The following RFX8 variants were observed in gnomAD, a reference collection of about 807,000 sequenced individuals.
RFX8 encodes DNA-binding protein RFX8.
A neutral mutation model predicts 54.6 loss-of-function variants in RFX8; 46 were observed. That is an observed-to-expected ratio of 0.84 (90% CI 0.67 to 1.08). The LOEUF is 1.08. RFX8 is among the 50% of genes least tolerant of loss of function. The pLI, the probability that RFX8 is intolerant of heterozygous loss-of-function variation, is 0.00. For missense variants in RFX8, 536 were observed against 562.3 expected, an observed-to-expected ratio of 0.95 and a Z score of 0.47; for synonymous variants, 192 against 209.5, an observed-to-expected ratio of 0.92 and a Z score of 0.72.
intron 4 of RFX8, chr2:101,421,269 T>C: frequency 5.1e-6 from 5 of 986,098 alleles, no homozygotes; most frequent in Non-Finnish European, 6.0e-6. Flanking sequence ...GATTTATTCA[T>C]GTTTTCCACA....
At chr2:101,454,024 T>A (rs1237997561) in intron 2 of RFX8, among the ~76,000 whole-genome samples, 2 of 152,156 alleles carry the variant, frequency 1.3e-5, no homozygotes, top group African/African-American at 4.8e-5. Context: ...CATTAGGTAT[T>A]TCTCCTAATG....
intron 6 of RFX8, 77 bp downstream of exon 6, chr2:101,417,457 C>T (rs1382503451): frequency 1.9e-5 from 25 of 1,350,016 alleles, no homozygotes; most frequent in East Asian, 5.1e-5. Flanking sequence ...CCTCCTGCCT[C>T]GGCCTTCCAA....
At chr2:101,474,411 C>T in intron 1 of RFX8, 1 of 378,818 alleles carries the variant, frequency 2.6e-6, no homozygotes, top group Non-Finnish European at 4.7e-6. Flanking sequence ...GCGCGGGGCG[C>T]GGGGCGGGAG....
chr2:101,410,009 TC>T (rs779382017), intron 9 of RFX8, among the ~76,000 whole-genome samples: 1 of 152,044 alleles, frequency 6.6e-6, no homozygotes, highest in Non-Finnish European at 1.5e-5. Flanking sequence ...AACGAAACCA[TC>T]TTTGGGCTTT....
At chr2:101,408,331 A>G (rs1685869003) in intron 9 of RFX8, among the ~76,000 whole-genome samples, 1 of 152,118 alleles carries the variant, frequency 6.6e-6, no homozygotes, top group African/African-American at 2.4e-5. Context: ...TAAAAATACA[A>G]AAAATTAGCT....
intron 2 of RFX8, among the ~76,000 whole-genome samples, chr2:101,424,583 C>T (rs1295686577): frequency 1.3e-5 from 2 of 152,260 alleles, no homozygotes; most frequent in East Asian, 3.9e-4. Context: ...TTTATTGCGG[C>T]ACTATTCACA....
intron 11 of RFX8, among the ~76,000 whole-genome samples, chr2:101,398,558 A>G (rs1163757685): frequency 1.3e-5 from 2 of 149,100 alleles, no homozygotes; most frequent in Non-Finnish European, 1.5e-5. Context: ...TAAATGGGGG[A>G]AAAAACCTAT....
rs898775250 is a variant in RFX8 at position 101,418,866 on chromosome 2, G to T, written c.336C>A (p.Asp112Glu). The change falls in exon 5 of 12, where the codon GAC becomes GAA. Residue 112 changes from aspartate to glutamate, a missense_variant. Coordinates refer to ENST00000428343, the MANE Select transcript of RFX8 (RefSeq NM_001145664.2). ...PDVCQLFKCY[D>E]VQLYKGIEDV... ...GTCCTCCTACCTTGTACAGCTGGAC[G>T]TCGTAGCATTTAAAGAGCTGGCACA... 11 of 1,548,738 alleles carry T rather than the reference G, an allele frequency of 7.1e-6. No individual in the cohort carries two copies. The highest frequency in any genetic ancestry group is 9.6e-6 in the Non-Finnish European group (11 of 1,144,298).
chr2:101,442,800 C>T (rs917327754), intron 2 of RFX8, among the ~76,000 whole-genome samples: 1 of 152,076 alleles, frequency 6.6e-6, no homozygotes, highest in Non-Finnish European at 1.5e-5. Flanking sequence ...AGGGTTTCCC[C>T]AGGCTAGACC....
At position 101,470,659 on chromosome 2, in the gene RFX8, A is replaced by G. The variant is rs148800028; in HGVS notation, c.-52-3759T>C. On this transcript the variant is annotated intron_variant, in intron 1 of 11. Transcript: ENST00000428343. ...GTGATGAACAATCTGATGATTACTG[A>G]CCTCAGAGCACAAATACTTAGCCAG... Among the ~76,000 whole-genome samples, 74 of 147,020 alleles carry G rather than the reference A, an allele frequency of 5.0e-4. 1 individual carries two copies. In the East Asian group the frequency reaches 0.011, roughly 23 times the overall value.
intron 2 of RFX8, among the ~76,000 whole-genome samples, chr2:101,449,680 G>A (rs1688574773): frequency 6.6e-6 from 1 of 152,184 alleles, no homozygotes; most frequent in Non-Finnish European, 1.5e-5. Flanking sequence ...GAGAGCCAGG[G>A]AGGAATGCCT....
intron 2 of RFX8, among the ~76,000 whole-genome samples, chr2:101,430,707 C>T (rs1031976783): frequency 1.9e-4 from 29 of 152,168 alleles, no homozygotes; most frequent in Non-Finnish European, 3.4e-4. Context: ...TGCATCATAT[C>T]TCAATGATAT....
rs1558896774 is a variant in RFX8, at chr2:101,469,081, T to TATATATATATAA, written c.-52-2182_-52-2181insTTATATATATAT. Among the ~76,000 whole-genome samples the TATATATATATAA allele has an allele frequency of 5.1e-3, 54 of 10,676 alleles. 4 individuals are homozygous for TATATATATATAA. Among genetic ancestry groups the TATATATATATAA allele is most frequent in the African/African-American group, 0.024 (53 of 2,220 alleles). 7.0% of individuals were successfully genotyped at this position (10,676 alleles called of 152,430 possible). On this transcript the variant is annotated intron_variant, in intron 1 of 11. Transcript: ENST00000428343. ...GTATATATATGTATATATATATAAG[T>TATATATATATAA]GTATATATATAAGTATATATATATA...
chr2:101,464,976 T>C (rs750006388), intron 2 of RFX8, among the ~76,000 whole-genome samples: 3 of 152,154 alleles, frequency 2.0e-5, no homozygotes, highest in Non-Finnish European at 4.4e-5. Flanking sequence ...AGGGCCAGGA[T>C]ACCCAGCACT....
At chr2:101,455,824 G>A (rs376843653) in intron 2 of RFX8, among the ~76,000 whole-genome samples, 3 of 152,232 alleles carry the variant, frequency 2.0e-5, no homozygotes, top group African/African-American at 4.8e-5. Flanking sequence ...CCATTTTCAC[G>A]ATATTGATTC....
At chr2:101,404,017 G>T (rs1040914505) in intron 10 of RFX8, among the ~76,000 whole-genome samples, 6 of 152,190 alleles carry the variant, frequency 3.9e-5, no homozygotes, top group Non-Finnish European at 8.8e-5. Flanking sequence ...CAACTAGCTT[G>T]TATTTCTGTG....
chr2:101,404,660 C>T (rs965397741), intron 10 of RFX8, among the ~76,000 whole-genome samples: 4 of 151,876 alleles, frequency 2.6e-5, no homozygotes, highest in African/African-American at 9.7e-5. Context: ...CTCCCAGGCT[C>T]AAGAGATCTG....
At chr2:101,428,260 C>G (rs1198764833) in intron 2 of RFX8, among the ~76,000 whole-genome samples, 1 of 152,174 alleles carries the variant, frequency 6.6e-6, no homozygotes, top group Non-Finnish European at 1.5e-5. Context: ...ACAACAACAA[C>G]AAAAAACCTC....
rs140126961 is a variant in RFX8 at position 101,438,375 on chromosome 2, A to G, written c.73-15903T>C. Among the ~76,000 whole-genome samples, 1,078 of 152,280 alleles carry G rather than the reference A, an allele frequency of 7.1e-3. 14 individuals are homozygous for G. The highest frequency in any genetic ancestry group is 0.024 in the Middle Eastern group (7 of 294). Reference sequence around the variant, plus strand: ...TGTACCACATTTTCTTTATCCATTCATCAGTTGATAGACACTTAGATTGCT... The same window carrying G: ...TGTACCACATTTTCTTTATCCATTCGTCAGTTGATAGACACTTAGATTGCT... On this transcript the variant is annotated intron_variant, in intron 2 of 11. Transcript: ENST00000428343.
Sources: allele counts gnomAD v4.1 joint callset (sites outside exome capture counted in the v4.1 genomes callset), GRCh38; gene constraint gnomAD v4.1.1; transcripts MANE v1.5; gene names NCBI Gene and HGNC (gene_info 2026-07-23, HGNC 2026-07-21).